Variants in PPM1E observed in about 807,000 individuals in gnomAD.
The protein encoded by PPM1E is protein phosphatase 1E.
Under a neutral mutation model 65.9 loss-of-function variants are expected in PPM1E, and 20 were observed. That is an observed-to-expected ratio of 0.30 (90% CI 0.21 to 0.44). The LOEUF (loss-of-function observed/expected upper bound fraction) is 0.44. Ranked by LOEUF, PPM1E falls within the 20% of genes least tolerant of loss-of-function variation. The pLI is 1.00. For synonymous variants in PPM1E, 352 were observed against 374.9 expected (o/e 0.94, Z 0.70); for missense variants, 713 against 953.1 (o/e 0.75, Z 3.32).
At chr17:58,820,637 A>C (rs536605416) in intron 1 of PPM1E, among the ~76,000 whole-genome samples, 9 of 152,354 alleles carry the variant, frequency 5.9e-5, no homozygotes, top group South Asian at 2.1e-4. Context: ...CTATATGAAT[A>C]AGTTAAAATG....
At chr17:58,973,437 A>G (rs1192109373) in intron 6 of PPM1E, among the ~76,000 whole-genome samples, 3 of 151,434 alleles carry the variant, frequency 2.0e-5, no homozygotes, top group African/African-American at 2.4e-5. Flanking sequence ...AAAGAGAACC[A>G]TATCAAGAAA....
At chr17:58,772,037 C>A (rs1049374897) in intron 1 of PPM1E, among the ~76,000 whole-genome samples, 1 of 152,100 alleles carries the variant, frequency 6.6e-6, no homozygotes, top group East Asian at 1.9e-4. Context: ...GAAATTAATT[C>A]TTAGAGACAT....
At chr17:58,763,842 G>A (rs1827326072) in intron 1 of PPM1E, among the ~76,000 whole-genome samples, 1 of 151,656 alleles carries the variant, frequency 6.6e-6, no homozygotes. Context: ...CTTGATTTAG[G>A]GCATTTTAGA....
At chr17:58,811,640 C>A (rs1443111990) in intron 1 of PPM1E, among the ~76,000 whole-genome samples, 4 of 151,872 alleles carry the variant, frequency 2.6e-5, no homozygotes, top group Non-Finnish European at 5.9e-5. Context: ...ACTAATTATT[C>A]TTTAACAGGT....
chr17:58,756,363 G>C lies in PPM1E; in HGVS notation c.366G>C (p.Pro122=), dbSNP rs566693178. 7.3e-7 allele frequency: 1 copy of C among 1,376,884 alleles called. No homozygotes were observed. The highest frequency in any genetic ancestry group is 1.5e-5 in the African/African-American group (1 of 65,192). 85.3% of individuals were successfully genotyped at this position (1,376,884 alleles called of 1,614,324 possible). A position where few individuals can be genotyped will look rare whatever the true frequency, so the allele number is the denominator to read the frequency against. ...SAVPPPPPQL[P]PLPPLPRPLS... ...TGCCGCCGCCGCCGCCCCAGCTGCC[G>C]CCTTTGCCCCCGCTCCCGCGACCGC... The change falls in exon 1 of 7, where the codon CCG becomes CCC. Residue 122 remains proline (P), a synonymous_variant. Coordinates refer to ENST00000308249, the MANE Select transcript of PPM1E (RefSeq NM_014906.5).
chr17:58,774,575 G>T (rs527719170), intron 1 of PPM1E, among the ~76,000 whole-genome samples: 1 of 152,186 alleles, frequency 6.6e-6, no homozygotes, highest in East Asian at 1.9e-4. Context: ...TTGCCTTTTA[G>T]GGCATGCTTC....
intron 1 of PPM1E, among the ~76,000 whole-genome samples, chr17:58,889,217 T>C (rs954763051): frequency 6.6e-6 from 1 of 152,184 alleles, no homozygotes; most frequent in Non-Finnish European, 1.5e-5. Flanking sequence ...AGCAAATCTG[T>C]GTGTGGGAGT....
At position 58,934,324 on chromosome 17, in the gene PPM1E, G is replaced by A. The variant is rs1329700030; in HGVS notation, c.465-21325G>A. On this transcript the variant is annotated intron_variant, in intron 1 of 6. Coordinates refer to ENST00000308249, the MANE Select transcript of PPM1E (RefSeq NM_014906.5). ...TAGTGTGCACAAAAAGTTATGTAAA[G>A]CTATTTACTGAAGCATTATTTATTT... Among the ~76,000 whole-genome samples, 40 of 152,080 alleles carry A rather than the reference G, an allele frequency of 2.6e-4. 1 individual carries two copies. The highest frequency in any genetic ancestry group is 8.8e-5 in the Non-Finnish European group (6 of 68,016).
intron 1 of PPM1E, among the ~76,000 whole-genome samples, chr17:58,836,616 C>T (rs1423940751): frequency 1.3e-5 from 2 of 151,212 alleles, no homozygotes; most frequent in Admixed American, 6.6e-5. Flanking sequence ...AGGCACATGC[C>T]ACCACACCCA....
chr17:58,798,222 TTTTG>T (rs2050223639), intron 1 of PPM1E, among the ~76,000 whole-genome samples: 1 of 144,120 alleles, frequency 6.9e-6, no homozygotes, highest in Non-Finnish European at 1.5e-5. Flanking sequence ...GAATTACGTT[TTTTG>T]TTTGTTTTTT....
chr17:58,967,519 T>TATAGAG (rs781428896), intron 3 of PPM1E, among the ~76,000 whole-genome samples: 5 of 145,112 alleles, frequency 3.4e-5, no homozygotes, highest in East Asian at 2.0e-4. Context: ...TATATATATA[T>TATAGAG]AGAGAGAGAG....
intron 1 of PPM1E, among the ~76,000 whole-genome samples, chr17:58,918,062 T>TC (rs1431329237): frequency 2.6e-5 from 4 of 152,200 alleles, no homozygotes; most frequent in Non-Finnish European, 5.9e-5. Context: ...TTTTGTTACT[T>TC]CCCCCATCAG....
chr17:58,931,271 A>T lies in PPM1E; in HGVS notation c.465-24378A>T, dbSNP rs145325027. On this transcript the variant is annotated intron_variant, in intron 1 of 6. Coordinates refer to ENST00000308249, the MANE Select transcript of PPM1E (RefSeq NM_014906.5). ...CATGGTGGTGCATGCCTGTAATCCC[A>T]GCTACTTGGGAGGATGAGGCAGGAG... 7.9e-5 allele frequency among the ~76,000 whole-genome samples: 12 copies of T among 152,102 alleles called. No homozygotes were observed. In the East Asian group the frequency reaches 2.1e-3, roughly 27 times the overall value.
chr17:58,761,886 G>T (rs1333607781), intron 1 of PPM1E, among the ~76,000 whole-genome samples: 1 of 152,128 alleles, frequency 6.6e-6, no homozygotes, highest in African/African-American at 2.4e-5. Flanking sequence ...CTTCATTTCG[G>T]CAAAGGAAGA....
chr17:58,872,867 A>G (rs2051086589), intron 1 of PPM1E, among the ~76,000 whole-genome samples: 1 of 152,180 alleles, frequency 6.6e-6, no homozygotes, highest in Non-Finnish European at 1.5e-5. Flanking sequence ...GTTACATTTC[A>G]AGGAAGTGAT....
At chr17:58,780,981 G>A (rs768072830) in intron 1 of PPM1E, among the ~76,000 whole-genome samples, 97 of 152,174 alleles carry the variant, frequency 6.4e-4, no homozygotes, top group Non-Finnish European at 1.2e-3. Flanking sequence ...AAAAGTTTGT[G>A]AAAGGAGTTT....
chr17:58,861,777 A>G (rs952415160), intron 1 of PPM1E, among the ~76,000 whole-genome samples: 1 of 152,078 alleles, frequency 6.6e-6, no homozygotes, highest in African/African-American at 2.4e-5. Flanking sequence ...AATACAAAAA[A>G]TTAGCCAGGA....
chr17:58,807,680 G>T (rs2050328898), intron 1 of PPM1E, among the ~76,000 whole-genome samples: 2 of 152,022 alleles, frequency 1.3e-5, no homozygotes, highest in Admixed American at 6.6e-5. Flanking sequence ...ACTCATAAAA[G>T]AACTCTCACA....
Position 58,892,039 on chromosome 17 carries a change from T to C in PPM1E, c.465-63610T>C, listed in dbSNP as rs527614143. On this transcript the variant is annotated intron_variant, in intron 1 of 6. Transcript: ENST00000308249. ...TTAGTAGAGACAGCATTTTGCCATG[T>C]TGGCCAGGCTGGTCTCAAACTCCTG... Among the ~76,000 whole-genome samples, 85 of 152,232 alleles carry C rather than the reference T, an allele frequency of 5.6e-4. 1 individual carries two copies. The highest frequency in any genetic ancestry group is 6.8e-3 in the Middle Eastern group (2 of 294).
Sources: gnomAD v4.1 joint callset for allele counts (sites outside exome capture counted in the v4.1 genomes callset) on GRCh38, gnomAD v4.1.1 for gene constraint, MANE v1.5 for transcripts, NCBI Gene and HGNC (gene_info 2026-07-23, HGNC 2026-07-21) for gene names.